The following SLC44A5 variants were observed in gnomAD, a reference collection of about 807,000 sequenced individuals.
SLC44A5 encodes choline transporter-like protein 5.
A neutral mutation model predicts 101.8 loss-of-function variants in SLC44A5; 57 were observed. The ratio of observed to expected loss-of-function variants is 0.56; its 90% CI spans 0.45 to 0.70. SLC44A5 has a LOEUF of 0.70. SLC44A5 is among the 30% of genes least tolerant of loss of function. The probability of loss-of-function intolerance (pLI) is 0.00; values close to 1 mark genes in which losing one functional copy is unlikely to be tolerated. For synonymous variants in SLC44A5, 281 were observed against 290.9 expected (o/e 0.97, Z 0.35); for missense variants, 737 against 853.1 (o/e 0.86, Z 1.70).
At chr1:75,714,166 CA>C in the SLC44A5 span, among the ~76,000 whole-genome samples, 1 of 152,080 alleles carries the variant, frequency 6.6e-6, no homozygotes. Context: ...AGCAGCACAT[CA>C]AAAAGCTAAT....
At chr1:75,719,524 G>A in the SLC44A5 span, among the ~76,000 whole-genome samples, 1 of 152,070 alleles carries the variant, frequency 6.6e-6, no homozygotes, top group African/African-American at 2.4e-5. Flanking sequence ...TTTATAATTT[G>A]CCTATAATTT....
chr1:75,678,299 T>C, the SLC44A5 span, among the ~76,000 whole-genome samples: 1 of 152,116 alleles, frequency 6.6e-6, no homozygotes, highest in Non-Finnish European at 1.5e-5. Flanking sequence ...AGGCTCCACC[T>C]CTGGGGGCAG....
chr1:75,541,352 T>G lies in SLC44A5; in HGVS notation c.13+83A>C, dbSNP rs983107. 6.0e-5 allele frequency: 63 copies of G among 1,048,260 alleles called. No homozygotes were observed. The African/African-American group carries it at 8.9e-4, about 15-fold the overall frequency. 64.9% of individuals were successfully genotyped at this position (1,048,260 alleles called of 1,614,324 possible). A position where few individuals can be genotyped will look rare whatever the true frequency, so the allele number is the denominator to read the frequency against. ...CATAGTATATACTCATTTTTCTATT[T>G]GTCCTTATTTAATATTAAATAAAAA... is the stretch of plus-strand genomic sequence containing the variant. On this transcript the variant is annotated intron_variant, in intron 2 of 23. Coordinates refer to ENST00000370859, the MANE Select transcript of SLC44A5 (RefSeq NM_001130058.2).
At position 75,215,802 on chromosome 1, in the gene SLC44A5, C is replaced by G; in HGVS notation, c.1680G>C (p.Trp560Cys). The change falls in exon 19 of 24, where the codon TGG becomes TGC. Residue 560 changes from tryptophan (W) to cysteine (C), a missense_variant. By Grantham distance (215) the Trp-to-Cys change is radical. This residue lies in a region of SLC44A5 where 665 missense variants were observed against 764.4 expected (regional missense o/e 0.87). Transcript: ENST00000370859. ...AAAACTTTATTGCATTTTCCAAACA[C>G]CAGAAGCAGCATCTCAGGCAGCATT... ...FLQCCLRCCF[W>C]CLENAIKFLN... is the part of the protein sequence containing the mutation. 1.9e-6 allele frequency: 3 copies of G among 1,608,922 alleles called. No homozygotes were observed. The highest frequency in any genetic ancestry group is 2.6e-6 in the Non-Finnish European group (3 of 1,175,936).
chr1:75,675,174 T>C, the SLC44A5 span, among the ~76,000 whole-genome samples: 1 of 152,226 alleles, frequency 6.6e-6, no homozygotes, highest in African/African-American at 2.4e-5. Context: ...TTAATAGAAA[T>C]AGCATTAAAT....
intron 4 of SLC44A5, among the ~76,000 whole-genome samples, chr1:75,335,944 A>G (rs796464830): frequency 3.0e-4 from 46 of 152,278 alleles, no homozygotes; most frequent in African/African-American, 1.1e-3. Flanking sequence ...TTTGGTGCAC[A>G]GCCCATGTTA....
intron 3 of SLC44A5, among the ~76,000 whole-genome samples, chr1:75,378,049 C>A (rs1432300618): frequency 3.8e-5 from 3 of 78,522 alleles, no homozygotes; most frequent in Non-Finnish European, 6.5e-5. Context: ...CAACCCACCC[C>A]TACATCTGGT....
chr1:75,553,488 C>T (rs1055925374), intron 1 of SLC44A5, among the ~76,000 whole-genome samples: 18 of 152,146 alleles, frequency 1.2e-4, no homozygotes, highest in African/African-American at 4.3e-4. Context: ...AATTACAATA[C>T]ATCATCATTC....
At chr1:75,335,798 T>C (rs1026399804) in intron 4 of SLC44A5, among the ~76,000 whole-genome samples, 1 of 152,210 alleles carries the variant, frequency 6.6e-6, no homozygotes, top group Non-Finnish European at 1.5e-5. Flanking sequence ...ATTCCTAAGT[T>C]TGGAAAAGTG....
chr1:75,679,762 C>A, the SLC44A5 span, among the ~76,000 whole-genome samples: 4 of 151,584 alleles, frequency 2.6e-5, no homozygotes, highest in East Asian at 1.9e-4. Flanking sequence ...ACACATAACA[C>A]TATTAACTTT....
the SLC44A5 span, among the ~76,000 whole-genome samples, chr1:75,701,009 T>A: frequency 6.6e-6 from 1 of 152,086 alleles, no homozygotes; most frequent in East Asian, 1.9e-4. Context: ...ATAGAGGCAA[T>A]AATTAATAGC....
At chr1:75,244,762 C>T (rs1429388123) in intron 7 of SLC44A5, among the ~76,000 whole-genome samples, 1 of 152,030 alleles carries the variant, frequency 6.6e-6, no homozygotes, top group Non-Finnish European at 1.5e-5. Flanking sequence ...AGAGGGAAGG[C>T]AGAATCAGAG....
the SLC44A5 span, among the ~76,000 whole-genome samples, chr1:75,703,467 C>G: frequency 4.0e-5 from 6 of 151,186 alleles, no homozygotes; most frequent in African/African-American, 1.5e-4. Context: ...ACAATAAGAA[C>G]ACATGGACAC....
chr1:75,680,456 C>G, the SLC44A5 span, among the ~76,000 whole-genome samples: 4 of 151,830 alleles, frequency 2.6e-5, no homozygotes, highest in African/African-American at 9.7e-5. Context: ...GATTAAGAAT[C>G]TCACTCAAAA....
At chr1:75,482,885 T>G (rs1667952211) in intron 2 of SLC44A5, among the ~76,000 whole-genome samples, 1 of 152,088 alleles carries the variant, frequency 6.6e-6, no homozygotes, top group South Asian at 2.1e-4. Flanking sequence ...TATAAAACAC[T>G]AAGGAAATTT....
At chr1:75,296,193 C>T (rs894304589) in intron 5 of SLC44A5, among the ~76,000 whole-genome samples, 3 of 151,990 alleles carry the variant, frequency 2.0e-5, no homozygotes, top group Non-Finnish European at 4.4e-5. Flanking sequence ...TGTCAAGGCT[C>T]TTTACTGCTG....
At chr1:75,581,213 G>A (rs1051933492) in intron 1 of SLC44A5, among the ~76,000 whole-genome samples, 1 of 152,140 alleles carries the variant, frequency 6.6e-6, no homozygotes, top group Non-Finnish European at 1.5e-5. Flanking sequence ...ATTCACATTA[G>A]TAGACAAAAT....
intron 1 of SLC44A5, among the ~76,000 whole-genome samples, chr1:75,569,245 T>C (rs1410368662): frequency 6.7e-6 from 1 of 150,238 alleles, no homozygotes; most frequent in Non-Finnish European, 1.5e-5. Flanking sequence ...TACCTTTTTT[T>C]TTTTTTTTTT....
chr1:75,203,534 TAAC>T lies in SLC44A5; in HGVS notation c.*190_*192del, dbSNP rs1370154938. The stretch of plus-strand genomic sequence containing the variant: ...TTAGTATAAAAATGTTTTATGTTAT[TAAC>T]AATTCCCTTGCGACTTCTGATGGCT... On this transcript the variant is annotated 3_prime_UTR_variant, in exon 24 of 24. Coordinates refer to ENST00000370859, the MANE Select transcript of SLC44A5 (RefSeq NM_001130058.2). 4 of 452,810 alleles carry T rather than the reference TAAC, an allele frequency of 8.8e-6. No individual in the cohort carries two copies. The highest frequency in any genetic ancestry group is 8.8e-5 in the Admixed American group (2 of 22,670). The allele number at this position is 452,810 out of a possible 1,614,324, so 28.0% of individuals were successfully genotyped here.
Sources: gnomAD v4.1 joint callset for allele counts (sites outside exome capture counted in the v4.1 genomes callset) on GRCh38, gnomAD v4.1.1 for gene constraint, gnomAD v4.1.1 regional missense constraint, MANE v1.5 for transcripts, NCBI Gene and HGNC (gene_info 2026-07-23, HGNC 2026-07-21) for gene names.